The following PDE4B variants were observed in gnomAD, a reference collection of about 807,000 sequenced individuals.
PDE4B encodes the protein phosphodiesterase 4B.
A neutral mutation model predicts 82.2 loss-of-function variants in PDE4B; 20 were observed. The ratio of observed to expected loss-of-function variants is 0.24; its 90% CI spans 0.17 to 0.35. The LOEUF is 0.35. PDE4B is among the 10% of genes least tolerant of loss of function. The pLI, the probability that PDE4B is intolerant of heterozygous loss-of-function variation, is 1.00. For synonymous variants in PDE4B, 320 were observed against 318.9 expected (o/e 1.00, Z -0.04); for missense variants, 655 against 907.2 (o/e 0.72, Z 3.57).
At chr1:66,244,592 C>T (rs1235639934) in intron 3 of PDE4B, among the ~76,000 whole-genome samples, 24 of 152,080 alleles carry the variant, frequency 1.6e-4, no homozygotes, top group Admixed American at 1.5e-3. Context: ...GATGTCTGCC[C>T]GCTAATTTTG....
intron 11 of PDE4B, 61 bp downstream of exon 11, chr1:66,363,327 TCCATCTTAC>T: frequency 6.5e-7 from 1 of 1,541,424 alleles, no homozygotes; most frequent in Non-Finnish European, 8.9e-7. Flanking sequence ...ATTTTTTTTT[TCCATCTTAC>T]TTTTCTGATT....
intron 3 of PDE4B, among the ~76,000 whole-genome samples, chr1:66,224,742 C>T (rs1651296303): frequency 6.6e-6 from 1 of 152,088 alleles, no homozygotes; most frequent in Admixed American, 6.6e-5. Flanking sequence ...TAATAATAGT[C>T]AAGCAAACAA....
intron 4 of PDE4B, 185 bp from the exon 5 acceptor site, chr1:66,257,461 AT>A (rs1170452250): frequency 2.6e-6 from 2 of 772,270 alleles, no homozygotes; most frequent in African/African-American, 1.7e-5. Flanking sequence ...TCTAGTACTA[AT>A]TTTTTCCTTT....
chr1:65,992,220 C>A (rs1651281647), intron 3 of PDE4B, among the ~76,000 whole-genome samples: 1 of 152,044 alleles, frequency 6.6e-6, no homozygotes, highest in African/African-American at 2.4e-5. Flanking sequence ...TTTTGACAAT[C>A]CTGGATTTAA....
chr1:66,081,562 A>G (rs1010413250), intron 3 of PDE4B, among the ~76,000 whole-genome samples: 4 of 152,288 alleles, frequency 2.6e-5, no homozygotes, highest in Admixed American at 2.6e-4. Context: ...TATATAATAA[A>G]TAAAGAAAAT....
chr1:65,879,546 T>A (rs1009722203), intron 1 of PDE4B, among the ~76,000 whole-genome samples: 2 of 152,070 alleles, frequency 1.3e-5, no homozygotes, highest in Middle Eastern at 3.2e-3. Context: ...ACTGGAGGAA[T>A]CAGAAGTCTA....
chr1:66,009,428 C>T (rs1433919943), intron 3 of PDE4B, among the ~76,000 whole-genome samples: 1 of 152,144 alleles, frequency 6.6e-6, no homozygotes, highest in Admixed American at 6.6e-5. Flanking sequence ...CCACAGTGAT[C>T]CTTTATATTA....
At chr1:66,251,446 T>A (rs1276377332) in intron 4 of PDE4B, among the ~76,000 whole-genome samples, 1 of 152,210 alleles carries the variant, frequency 6.6e-6, no homozygotes, top group Non-Finnish European at 1.5e-5. Context: ...TCTGCCTACC[T>A]TTCCAGCTGT....
intron 1 of PDE4B, among the ~76,000 whole-genome samples, chr1:65,797,571 G>A (rs34419959): frequency 6.1e-3 from 921 of 152,220 alleles, no homozygotes; most frequent in Non-Finnish European, 0.01. Flanking sequence ...CCCACTGAAC[G>A]CTGCTGGTGC....
intron 7 of PDE4B, among the ~76,000 whole-genome samples, chr1:66,309,863 T>C (rs768402201): frequency 6.4e-4 from 97 of 152,286 alleles, no homozygotes; most frequent in Middle Eastern, 6.8e-3. Flanking sequence ...ATAGCAATAA[T>C]AATAGTATGA....
chr1:66,167,053 AAAT>A (rs1164732286), intron 3 of PDE4B, among the ~76,000 whole-genome samples: 1 of 152,212 alleles, frequency 6.6e-6, no homozygotes, highest in African/African-American at 2.4e-5. Context: ...AGCCGATAAC[AAAT>A]GCTGGAGAGA....
chr1:66,275,505 C>A (rs1266147388), intron 7 of PDE4B, among the ~76,000 whole-genome samples: 1 of 152,156 alleles, frequency 6.6e-6, no homozygotes, highest in Non-Finnish European at 1.5e-5. Context: ...AACCCATTCT[C>A]CTCTCTTTAT....
chr1:65,919,374 G>A (rs1211746990), intron 3 of PDE4B, among the ~76,000 whole-genome samples: 1 of 152,156 alleles, frequency 6.6e-6, no homozygotes, highest in African/African-American at 2.4e-5. Flanking sequence ...GTCTATATTT[G>A]TGAAAGAGGC....
At chr1:65,850,981 G>A (rs187271661) in intron 1 of PDE4B, among the ~76,000 whole-genome samples, 6 of 152,234 alleles carry the variant, frequency 3.9e-5, no homozygotes, top group Non-Finnish European at 7.4e-5. Flanking sequence ...TGTATGAAGT[G>A]AGATAATACT....
At chr1:66,269,918 T>C (rs6700403) in intron 7 of PDE4B, among the ~76,000 whole-genome samples, 73,543 of 152,018 alleles carry the variant, frequency 0.48, 18,812 homozygotes, top group Non-Finnish European at 0.57. Context: ...TAGCAGCCAA[T>C]TTGATACATA....
chr1:66,129,831 A>C (rs1415909794), intron 3 of PDE4B, among the ~76,000 whole-genome samples: 2 of 152,194 alleles, frequency 1.3e-5, no homozygotes, highest in African/African-American at 2.4e-5. Context: ...CATAAAAAGC[A>C]CTGTGATGCT....
intron 3 of PDE4B, among the ~76,000 whole-genome samples, chr1:66,080,258 G>A (rs1440682681): frequency 6.6e-6 from 1 of 152,096 alleles, no homozygotes; most frequent in Non-Finnish European, 1.5e-5. Flanking sequence ...GTGTCAAAGT[G>A]TTACCAACCA....
At chr1:65,940,363 C>T (rs915062964) in intron 3 of PDE4B, among the ~76,000 whole-genome samples, 2 of 152,022 alleles carry the variant, frequency 1.3e-5, no homozygotes, top group Admixed American at 6.6e-5. Context: ...ATTAGATCAT[C>T]GAACTGCTTG....
intron 7 of PDE4B, among the ~76,000 whole-genome samples, chr1:66,279,994 G>T (rs1016904082): frequency 1.3e-5 from 2 of 152,146 alleles, no homozygotes; most frequent in East Asian, 3.8e-4. Context: ...GACTAGCCAA[G>T]TCAGCACATA....
Sources: allele counts gnomAD v4.1 joint callset (sites outside exome capture counted in the v4.1 genomes callset), GRCh38; gene constraint gnomAD v4.1.1; transcripts MANE v1.5; gene names NCBI Gene and HGNC (gene_info 2026-07-23, HGNC 2026-07-21).